FASTKD1: variants seen among roughly 807,000 people sequenced by gnomAD.
The protein encoded by FASTKD1 is FAST kinase domain-containing protein 1, mitochondrial.
A neutral mutation model predicts 90.9 loss-of-function variants in FASTKD1; 94 were observed. The observed-to-expected ratio is 1.03, with a 90% CI of 0.88 to 1.23. The LOEUF (loss-of-function observed/expected upper bound fraction) is 1.23. Among genes scored for constraint, FASTKD1 ranks in the 50% most tolerant of loss-of-function variants. The pLI, the probability that FASTKD1 is intolerant of heterozygous loss-of-function variation, is 0.00. For synonymous variants in FASTKD1, 319 were observed against 345.8 expected, an observed-to-expected ratio of 0.92 and a Z score of 0.86; for missense variants, 945 against 993.5, an observed-to-expected ratio of 0.95 and a Z score of 0.66.
chr2:169,542,910 A>G (rs1037084891), intron 9 of FASTKD1, among the ~76,000 whole-genome samples: 1 of 152,194 alleles, frequency 6.6e-6, no homozygotes, highest in African/African-American at 2.4e-5. Context: ...GTGCCTCCAG[A>G]TGTGATCTAA....
chr2:169,553,512 A>T (rs115316199), intron 7 of FASTKD1, among the ~76,000 whole-genome samples: 1 of 152,218 alleles, frequency 6.6e-6, no homozygotes, highest in Non-Finnish European at 1.5e-5. Flanking sequence ...TTCTCATCTG[A>T]TAACATGTTA....
chr2:169,553,519 G>A (rs192674188), intron 7 of FASTKD1, among the ~76,000 whole-genome samples: 1 of 152,230 alleles, frequency 6.6e-6, no homozygotes, highest in East Asian at 1.9e-4. Flanking sequence ...CTGATAACAT[G>A]TTATTTCATA....
At chr2:169,552,222 C>T (rs1462122183) in intron 7 of FASTKD1, among the ~76,000 whole-genome samples, 1 of 152,136 alleles carries the variant, frequency 6.6e-6, no homozygotes, top group Non-Finnish European at 1.5e-5. Flanking sequence ...TACAGAGATA[C>T]ATAAAGGCTC....
intron 6 of FASTKD1, among the ~76,000 whole-genome samples, chr2:169,556,435 C>CA (rs371169439): frequency 0.068 from 5,582 of 82,420 alleles, 240 homozygotes; most frequent in African/African-American, 0.17. Context: ...TACCCTGTCT[C>CA]AAAAAAAAAA....
At chr2:169,537,933 T>C (rs902276962) in intron 11 of FASTKD1, 80 bp downstream of exon 11, 36 of 1,241,718 alleles carry the variant, frequency 2.9e-5, no homozygotes, top group Admixed American at 4.9e-5. Flanking sequence ...CATGTTTAAG[T>C]ATAACAAGAT....
chr2:169,540,290 A>T lies in FASTKD1; in HGVS notation c.1817-111T>A. The stretch of plus-strand genomic sequence containing the variant: ...TAAAAAAAAGATACACAGCCTTGAC[A>T]AAACTAATCTACACTGTTACAAGAC... On this transcript the variant is annotated intron_variant, in intron 9 of 14. Transcript: ENST00000453153. 8 of 1,064,780 alleles carry T rather than the reference A, an allele frequency of 7.5e-6. No homozygotes were observed. In the South Asian group the frequency reaches 1.4e-4, roughly 19 times the overall value. 66.0% of individuals were successfully genotyped at this position (1,064,780 alleles called of 1,614,324 possible). A position where few individuals can be genotyped will look rare whatever the true frequency, so the allele number is the denominator to read the frequency against.
chr2:169,543,579 T>C (rs73971625), intron 9 of FASTKD1, among the ~76,000 whole-genome samples: 11,987 of 152,210 alleles, frequency 0.079, 602 homozygotes, highest in African/African-American at 0.13. Flanking sequence ...AGTATTGTAG[T>C]TACATAGGAG....
chr2:169,553,384 T>C (rs1685588002), intron 7 of FASTKD1, among the ~76,000 whole-genome samples: 1 of 151,430 alleles, frequency 6.6e-6, no homozygotes, highest in African/African-American at 2.4e-5. Flanking sequence ...TGTGAAATTC[T>C]GGACTAAATA....
chr2:169,551,989 C>CTCTGGG, intron 7 of FASTKD1, among the ~76,000 whole-genome samples: 1 of 152,210 alleles, frequency 6.6e-6, no homozygotes, highest in African/African-American at 2.4e-5. Flanking sequence ...TACATGAAAA[C>CTCTGGG]TCTGGGTTCT....
chr2:169,539,037 G>A (rs1684852443), intron 10 of FASTKD1, among the ~76,000 whole-genome samples: 1 of 151,852 alleles, frequency 6.6e-6, no homozygotes, highest in Non-Finnish European at 1.5e-5. Flanking sequence ...TGAGGCCAAG[G>A]TGGGCAGATC....
At chr2:169,545,875 G>A (rs541426888) in intron 8 of FASTKD1, among the ~76,000 whole-genome samples, 107 of 152,258 alleles carry the variant, frequency 7.0e-4, no homozygotes, top group Non-Finnish European at 1.1e-3. Flanking sequence ...CTACAATGCC[G>A]GAATGAGAAA....
At position 169,550,067 on chromosome 2, in the gene FASTKD1, T is replaced by A. The variant is rs559091305; in HGVS notation, c.1215-3363A>T. On this transcript the variant is annotated intron_variant, in intron 7 of 14. Transcript: ENST00000453153. ...TTTTAAGAGGGAGTCTTACGATGTTTCCCAGGCTGATCTCCAACTCTTGGG... is the reference window on the plus strand; with the variant it reads ...TTTTAAGAGGGAGTCTTACGATGTTACCCAGGCTGATCTCCAACTCTTGGG... 3.3e-5 allele frequency among the ~76,000 whole-genome samples: 5 copies of A among 152,234 alleles called. No individual in the cohort carries two copies. The South Asian group carries it at 1.0e-3, about 32-fold the overall frequency.
chr2:169,537,064 A>G, intron 12 of FASTKD1, 163 bp downstream of exon 12: 1 of 465,214 alleles, frequency 2.1e-6, no homozygotes, highest in Non-Finnish European at 3.8e-6. Flanking sequence ...CGGGAACTTG[A>G]GGATTTATTC....
At chr2:169,551,863 T>TAAAGGCAAAA (rs1433182413) in intron 7 of FASTKD1, among the ~76,000 whole-genome samples, 1 of 152,134 alleles carries the variant, frequency 6.6e-6, no homozygotes, top group Admixed American at 6.5e-5. Context: ...TCCATGCAGT[T>TAAAGGCAAAA]ACAAATAGAG....
rs7564516 is a variant in FASTKD1, at chr2:169,557,164, G to A, written c.1082+23C>T. On this transcript the variant is annotated intron_variant, in intron 6 of 14. Transcript: ENST00000453153. Reference sequence around the variant, plus strand: ...GCTTGTGAATGACAACAAACTTAACGTCGTAAATTTCAGAAAAGATACCTT... The same window carrying A: ...GCTTGTGAATGACAACAAACTTAACATCGTAAATTTCAGAAAAGATACCTT... 54 of 1,438,200 alleles carry A rather than the reference G, an allele frequency of 3.8e-5. No homozygotes were observed. In the African/African-American group the frequency reaches 4.6e-4, roughly 12 times the overall value. 89.1% of individuals were successfully genotyped at this position (1,438,200 alleles called of 1,614,324 possible). A position where few individuals can be genotyped will look rare whatever the true frequency, so the allele number is the denominator to read the frequency against.
chr2:169,546,990 A>T (rs985487557), intron 7 of FASTKD1, among the ~76,000 whole-genome samples: 21 of 152,120 alleles, frequency 1.4e-4, no homozygotes, highest in Non-Finnish European at 2.6e-4. Context: ...CAGGTTGGGA[A>T]CTTGGTCTCT....
At chr2:169,558,615 A>T (rs987832139) in intron 5 of FASTKD1, among the ~76,000 whole-genome samples, 7 of 151,324 alleles carry the variant, frequency 4.6e-5, no homozygotes, top group African/African-American at 1.7e-4. Flanking sequence ...ACGCCCGGCT[A>T]ATTTTTTATA....
Position 169,530,682 on chromosome 2 carries a change from C to A in FASTKD1, c.2347G>T (p.Asp783Tyr). ...GAERIALEFL[D>Y]SKALCRNIPH... ...ATATTTCTACAAAGTGCTTTTGAAT[C>A]CAAAAATTCCAAAGCAATCCTACAT... The change falls in exon 14 of 15, where the codon GAT becomes TAT. Residue 783 changes from aspartate to tyrosine, a missense_variant. Asp to Tyr is a radical substitution (Grantham distance 160). Coordinates refer to ENST00000453153, the MANE Select transcript of FASTKD1 (RefSeq NM_024622.6). The A allele has an allele frequency of 1.3e-6, 2 of 1,591,794 alleles. No homozygotes were observed. Among genetic ancestry groups the A allele is most frequent in the Non-Finnish European group, 1.7e-6 (2 of 1,168,270 alleles).
intron 12 of FASTKD1, among the ~76,000 whole-genome samples, chr2:169,535,959 A>T (rs1182162749): frequency 1.3e-5 from 2 of 148,478 alleles, no homozygotes; most frequent in Non-Finnish European, 3.0e-5. Flanking sequence ...TTCAGACTAA[A>T]CATCCTTTTT....
Sources: allele counts gnomAD v4.1 joint callset (sites outside exome capture counted in the v4.1 genomes callset), GRCh38; gene constraint gnomAD v4.1.1; transcripts MANE v1.5; gene names NCBI Gene and HGNC (gene_info 2026-07-23, HGNC 2026-07-21).